GRM8: variants seen among roughly 807,000 people sequenced by gnomAD.
GRM8 encodes glutamate metabotropic receptor 8, also known as metabotropic glutamate receptor 8.
Under a neutral mutation model 87.2 loss-of-function variants are expected in GRM8, and 47 were observed. The ratio of observed to expected loss-of-function variants is 0.54; its 90% CI spans 0.43 to 0.69. GRM8 has a LOEUF of 0.69. GRM8 is among the 30% of genes least tolerant of loss of function. The probability of loss-of-function intolerance (pLI) is 0.00; values close to 1 mark genes in which losing one functional copy is unlikely to be tolerated. For synonymous variants in GRM8, 396 were observed against 404.5 expected, an observed-to-expected ratio of 0.98 and a Z score of 0.25; for missense variants, 1,019 against 1,139.2, an observed-to-expected ratio of 0.89 and a Z score of 1.52.
At chr7:127,171,339 T>G (rs1206048753) in intron 2 of GRM8, among the ~76,000 whole-genome samples, 2 of 152,172 alleles carry the variant, frequency 1.3e-5, no homozygotes, top group African/African-American at 4.8e-5. Context: ...TGACATAAAC[T>G]TAATTTATAA....
intron 9 of GRM8, among the ~76,000 whole-genome samples, chr7:126,489,153 CAT>C (rs1807708544): frequency 6.6e-6 from 1 of 152,020 alleles, no homozygotes; most frequent in African/African-American, 2.4e-5. Flanking sequence ...AGCCACAAAA[CAT>C]ATTTGAGTCC....
intron 9 of GRM8, among the ~76,000 whole-genome samples, chr7:126,473,956 A>G (rs1384290554): frequency 6.6e-6 from 1 of 152,136 alleles, no homozygotes; most frequent in African/African-American, 2.4e-5. Flanking sequence ...GCCATGTGGA[A>G]CTATGAATCC....
At chr7:126,679,465 A>G (rs1807317237) in intron 7 of GRM8, among the ~76,000 whole-genome samples, 1 of 152,214 alleles carries the variant, frequency 6.6e-6, no homozygotes, top group Non-Finnish European at 1.5e-5. Flanking sequence ...TTCTTATCTA[A>G]CTGATGGAAA....
At chr7:127,160,059 G>C (rs1242116974) in intron 2 of GRM8, among the ~76,000 whole-genome samples, 6 of 152,076 alleles carry the variant, frequency 3.9e-5, no homozygotes, top group Non-Finnish European at 8.8e-5. Context: ...CTAAGCATAA[G>C]AAAACTAGAA....
chr7:126,450,415 T>C (rs1321814293), intron 9 of GRM8, among the ~76,000 whole-genome samples: 1 of 151,844 alleles, frequency 6.6e-6, no homozygotes, highest in African/African-American at 2.4e-5. Context: ...TCTTACCACT[T>C]TGTTTTAGTC....
At position 126,805,168 on chromosome 7, in the gene GRM8, T is replaced by C. The variant is rs1792540689; in HGVS notation, c.1157-35103A>G. On this transcript the variant is annotated intron_variant, in intron 6 of 10. Transcript: ENST00000339582. Reference sequence around the variant, plus strand: ...GGCTCAGAAAGGTCAGGACTTGACCTTCTTAATGACTGTCAGCTTCCCTAT... The same window carrying C: ...GGCTCAGAAAGGTCAGGACTTGACCCTCTTAATGACTGTCAGCTTCCCTAT... Among the ~76,000 whole-genome samples the C allele has an allele frequency of 1.3e-5, 2 of 152,176 alleles. 1 individual carries two copies. Among genetic ancestry groups the C allele is most frequent in the Admixed American group, 1.3e-4 (2 of 15,282 alleles).
intron 8 of GRM8, among the ~76,000 whole-genome samples, chr7:126,534,971 C>A (rs997188295): frequency 1.3e-5 from 2 of 151,936 alleles, no homozygotes; most frequent in African/African-American, 2.4e-5. Flanking sequence ...TAGAGCAGAG[C>A]CCTGAGGAAT....
intron 3 of GRM8, among the ~76,000 whole-genome samples, chr7:127,050,272 G>A (rs1291165427): frequency 6.6e-6 from 1 of 152,150 alleles, no homozygotes; most frequent in East Asian, 1.9e-4. Flanking sequence ...TGTGCGTGGG[G>A]GATGTGTGAA....
At chr7:126,964,744 A>G (rs1425356909) in intron 3 of GRM8, among the ~76,000 whole-genome samples, 1 of 152,242 alleles carries the variant, frequency 6.6e-6, no homozygotes, top group Non-Finnish European at 1.5e-5. Flanking sequence ...TGTGGAAGAC[A>G]GTGTGGCAAT....
chr7:127,241,433 T>TTTC, intron 2 of GRM8, among the ~76,000 whole-genome samples: 1 of 142,942 alleles, frequency 7.0e-6, no homozygotes. Context: ...GACCTTTTTT[T>TTTC]TTTCTTTTTT....
intron 7 of GRM8, among the ~76,000 whole-genome samples, chr7:126,731,293 C>T (rs1478325285): frequency 2.0e-5 from 3 of 152,130 alleles, no homozygotes; most frequent in Admixed American, 2.0e-4. Context: ...CTGAGCACTT[C>T]CTGTGTAACT....
At chr7:127,217,423 A>T (rs931103237) in intron 2 of GRM8, among the ~76,000 whole-genome samples, 4 of 152,206 alleles carry the variant, frequency 2.6e-5, no homozygotes, top group African/African-American at 9.7e-5. Context: ...CACATGCAGC[A>T]ACAAGCAGCT....
chr7:126,927,075 A>T (rs1054814685), intron 3 of GRM8, among the ~76,000 whole-genome samples: 1 of 152,196 alleles, frequency 6.6e-6, no homozygotes, highest in Non-Finnish European at 1.5e-5. Flanking sequence ...TCTCTGTTCA[A>T]CGTCTTCCAG....
At chr7:127,113,994 AG>A (rs770290688) in intron 2 of GRM8, among the ~76,000 whole-genome samples, 4 of 152,204 alleles carry the variant, frequency 2.6e-5, no homozygotes, top group South Asian at 4.1e-4. Flanking sequence ...GGCTAAGGAG[AG>A]GGAAAAGAAG....
chr7:126,754,077 A>G (rs572944945), intron 7 of GRM8, among the ~76,000 whole-genome samples: 1 of 152,022 alleles, frequency 6.6e-6, no homozygotes, highest in African/African-American at 2.4e-5. Flanking sequence ...CAAACCAAAC[A>G]TTAGAAATGG....
At chr7:127,069,694 C>G (rs1290010331) in intron 3 of GRM8, among the ~76,000 whole-genome samples, 2 of 152,168 alleles carry the variant, frequency 1.3e-5, no homozygotes, top group African/African-American at 4.8e-5. Context: ...ATTCTATATG[C>G]TGATTTATTT....
At chr7:126,892,846 T>G (rs1178624777) in intron 6 of GRM8, among the ~76,000 whole-genome samples, 5 of 151,806 alleles carry the variant, frequency 3.3e-5, no homozygotes, top group African/African-American at 4.8e-5. Flanking sequence ...GTGTGAGATG[T>G]TATCTCATTG....
At chr7:126,950,915 C>T (rs1024453553) in intron 3 of GRM8, among the ~76,000 whole-genome samples, 18 of 135,476 alleles carry the variant, frequency 1.3e-4, no homozygotes, top group African/African-American at 4.9e-4. Flanking sequence ...CAGCTTTGTC[C>T]AAGTCTTTTT....
rs184604938 is a variant in GRM8, at chr7:126,895,814, G to A, written c.1156+6728C>T. ...ACTACATGTATAACTGAAAATCAAT[G>A]TGAAGAATATTAAAATATTTACTAC... On this transcript the variant is annotated intron_variant, in intron 6 of 10. Coordinates refer to ENST00000339582, the MANE Select transcript of GRM8 (RefSeq NM_000845.3). Among the ~76,000 whole-genome samples the A allele has an allele frequency of 2.4e-3, 364 of 152,068 alleles. 1 individual carries two copies. Among genetic ancestry groups the A allele is most frequent in the African/African-American group, 8.3e-3 (343 of 41,482 alleles).
Sources: gnomAD v4.1 joint callset for allele counts (sites outside exome capture counted in the v4.1 genomes callset) on GRCh38, gnomAD v4.1.1 for gene constraint, MANE v1.5 for transcripts, NCBI Gene and HGNC (gene_info 2026-07-23, HGNC 2026-07-21) for gene names.